Variants in SCD5 observed in about 807,000 individuals in gnomAD.
The protein encoded by SCD5 is acyl-CoA-desaturase 4.
Under a neutral mutation model 30.4 loss-of-function variants are expected in SCD5, and 20 were observed. The ratio of observed to expected loss-of-function variants is 0.66; its 90% confidence interval spans 0.46 to 0.96. The LOEUF (loss-of-function observed/expected upper bound fraction) is 0.96, where lower values mean the gene tolerates loss of function less well. SCD5 is among the 40% of genes least tolerant of loss of function. The probability of loss-of-function intolerance (pLI) is 0.00; values close to 1 mark genes in which losing one functional copy is unlikely to be tolerated. For synonymous variants in SCD5, 173 were observed against 176.4 expected (o/e 0.98, Z 0.16); for missense variants, 381 against 443.3 (o/e 0.86, Z 1.26).
At chr4:82,685,956 C>T (rs779612596) in intron 2 of SCD5, among the ~76,000 whole-genome samples, 16 of 151,884 alleles carry the variant, frequency 1.1e-4, no homozygotes, top group Non-Finnish European at 1.5e-4. Context: ...AGTAGCCACA[C>T]GTAGCTAGTG....
intron 1 of SCD5, among the ~76,000 whole-genome samples, chr4:82,769,026 T>G (rs1721555451): frequency 6.6e-6 from 1 of 151,896 alleles, no homozygotes; most frequent in Non-Finnish European, 1.5e-5. Flanking sequence ...AAAAGAGGAC[T>G]GTCTAACGGG....
intron 2 of SCD5, among the ~76,000 whole-genome samples, chr4:82,702,184 G>A (rs1241453264): frequency 1.8e-5 from 2 of 109,946 alleles, no homozygotes; most frequent in East Asian, 3.2e-4. Context: ...TCACTCTGTC[G>A]CCCAGGCTGG....
At chr4:82,648,553 T>C (rs1578004382) in intron 3 of SCD5, among the ~76,000 whole-genome samples, 1 of 151,628 alleles carries the variant, frequency 6.6e-6, no homozygotes, top group African/African-American at 2.4e-5. Flanking sequence ...TCCAAGAGGG[T>C]CGATTGAGGT....
chr4:82,717,893 G>A lies in SCD5; in HGVS notation c.233-12480C>T, dbSNP rs1044024580. Among the ~76,000 whole-genome samples, 9 of 151,400 alleles carry A rather than the reference G, an allele frequency of 5.9e-5. 1 individual carries two copies. Among genetic ancestry groups the A allele is most frequent in the African/African-American group, 1.2e-4 (5 of 40,824 alleles). On this transcript the variant is annotated intron_variant, in intron 1 of 4. Coordinates refer to ENST00000319540, the MANE Select transcript of SCD5 (RefSeq NM_001037582.3). ...GTGGTACCACTGCACTCCAGCCTGG[G>A]CGACAGAGTGAGATTCCCTCTCAAA...
intron 3 of SCD5, among the ~76,000 whole-genome samples, chr4:82,651,965 A>G (rs1043304496): frequency 6.6e-6 from 1 of 152,194 alleles, no homozygotes; most frequent in South Asian, 2.1e-4. Flanking sequence ...CAATAAGAAC[A>G]TTCTAAGTCA....
intron 3 of SCD5, among the ~76,000 whole-genome samples, chr4:82,676,837 CT>C (rs896294173): frequency 9.9e-5 from 15 of 152,244 alleles, no homozygotes; most frequent in African/African-American, 2.9e-4. Flanking sequence ...CTCCTAATGG[CT>C]GCCTTTACAC....
intron 2 of SCD5, among the ~76,000 whole-genome samples, chr4:82,681,946 A>T (rs886777491): frequency 1.3e-5 from 2 of 152,158 alleles, no homozygotes; most frequent in Non-Finnish European, 2.9e-5. Context: ...CCAGTAGTTT[A>T]AAAAAACCCA....
intron 3 of SCD5, among the ~76,000 whole-genome samples, chr4:82,672,743 T>C (rs1728355463): frequency 6.6e-6 from 1 of 152,054 alleles, no homozygotes; most frequent in Non-Finnish European, 1.5e-5. Context: ...AAAGATATTA[T>C]AAGAAAACAA....
At chr4:82,696,792 G>A (rs772576795) in intron 2 of SCD5, among the ~76,000 whole-genome samples, 9 of 152,190 alleles carry the variant, frequency 5.9e-5, no homozygotes, top group Non-Finnish European at 1.3e-4. Flanking sequence ...AATATGCAAT[G>A]ACAATGTGCT....
intron 1 of SCD5, among the ~76,000 whole-genome samples, chr4:82,735,015 C>T (rs915222442): frequency 4.6e-5 from 7 of 151,520 alleles, no homozygotes; most frequent in African/African-American, 1.5e-4. Context: ...GCAATCTGCC[C>T]ACCTCAGCCT....
chr4:82,682,868 T>C (rs942645929), intron 2 of SCD5, among the ~76,000 whole-genome samples: 3 of 152,122 alleles, frequency 2.0e-5, no homozygotes, highest in Non-Finnish European at 4.4e-5. Context: ...CAGGCTGGAG[T>C]ACAGTGGTGT....
chr4:82,704,056 G>A (rs1719916744), intron 2 of SCD5, among the ~76,000 whole-genome samples: 1 of 152,212 alleles, frequency 6.6e-6, no homozygotes, highest in Admixed American at 6.5e-5. Flanking sequence ...ATGACAAGCA[G>A]TATATATACA....
intron 1 of SCD5, among the ~76,000 whole-genome samples, chr4:82,746,209 T>C (rs1720978835): frequency 6.6e-6 from 1 of 152,202 alleles, no homozygotes; most frequent in East Asian, 1.9e-4. Context: ...TCGTTTCCAT[T>C]ATCACTGAAT....
chr4:82,731,412 T>C (rs1472579366), intron 1 of SCD5, among the ~76,000 whole-genome samples: 1 of 152,234 alleles, frequency 6.6e-6, no homozygotes, highest in Non-Finnish European at 1.5e-5. Flanking sequence ...CAAGGGTAAC[T>C]TTCTCTGCAG....
intron 3 of SCD5, among the ~76,000 whole-genome samples, chr4:82,646,706 T>A (rs1238435649): frequency 6.6e-6 from 1 of 152,152 alleles, no homozygotes; most frequent in East Asian, 1.9e-4. Flanking sequence ...ATGGCCTGCA[T>A]CTTCTGGATG....
At chr4:82,662,117 C>G (rs1025868575) in intron 3 of SCD5, among the ~76,000 whole-genome samples, 2 of 152,176 alleles carry the variant, frequency 1.3e-5, no homozygotes, top group South Asian at 4.1e-4. Context: ...AGTGCAGTGG[C>G]TCAATCACAG....
At chr4:82,761,166 C>T (rs1415930976) in intron 1 of SCD5, among the ~76,000 whole-genome samples, 1 of 152,198 alleles carries the variant, frequency 6.6e-6, no homozygotes, top group African/African-American at 2.4e-5. Context: ...CAAAGTCTAG[C>T]AGCAGGAAGA....
At chr4:82,695,782 T>G (rs1460375632) in intron 2 of SCD5, among the ~76,000 whole-genome samples, 4 of 152,218 alleles carry the variant, frequency 2.6e-5, no homozygotes, top group Non-Finnish European at 5.9e-5. Context: ...TCAGATGTTT[T>G]CCCTACCCTC....
At chr4:82,675,768 C>T (rs1728423632) in intron 3 of SCD5, among the ~76,000 whole-genome samples, 1 of 152,162 alleles carries the variant, frequency 6.6e-6, no homozygotes, top group South Asian at 2.1e-4. Context: ...ATTTGAGATT[C>T]CAGTTTCTGT....
Sources: gnomAD v4.1 joint callset for allele counts (sites outside exome capture counted in the v4.1 genomes callset) on GRCh38, gnomAD v4.1.1 for gene constraint, MANE v1.5 for transcripts, NCBI Gene and HGNC (gene_info 2026-07-23, HGNC 2026-07-21) for gene names.